TPGS2: variants seen among roughly 807,000 people sequenced by gnomAD.
TPGS2 encodes tubulin polyglutamylase complex subunit 2, also known as polyglutamylase subunit 2.
TPGS2 carries 26 observed loss-of-function variants against 31.1 expected under a neutral mutation model. The observed-to-expected ratio is 0.84, with a 90% CI of 0.61 to 1.16. The LOEUF (loss-of-function observed/expected upper bound fraction) is 1.16. TPGS2 is among the 50% of genes most tolerant of loss of function. TPGS2 has a pLI of 0.00. For missense variants in TPGS2, 351 were observed against 363.8 expected (o/e 0.96, Z 0.29); for synonymous variants, 130 against 136.6 (o/e 0.95, Z 0.34).
At chr18:36,826,081 G>A (rs371533315) in intron 1 of TPGS2, among the ~76,000 whole-genome samples, 4 of 151,700 alleles carry the variant, frequency 2.6e-5, no homozygotes, top group Non-Finnish European at 2.9e-5. Context: ...CTTGTTGCCC[G>A]GGCTGGAGTG....
At chr18:36,823,788 T>G in intron 1 of TPGS2, 1 of 981,258 alleles carries the variant, frequency 1.0e-6, no homozygotes, top group Non-Finnish European at 1.2e-6. Context: ...GCTTATGTGA[T>G]TAGATTGGGC....
intron 6 of TPGS2, among the ~76,000 whole-genome samples, chr18:36,783,574 A>T (rs933375700): frequency 6.6e-6 from 1 of 152,204 alleles, no homozygotes; most frequent in African/African-American, 2.4e-5. Context: ...AGGGCCAGTG[A>T]CCCAGATTCG....
intron 1 of TPGS2, among the ~76,000 whole-genome samples, chr18:36,826,754 GA>G (rs2150715797): frequency 6.6e-6 from 1 of 152,226 alleles, no homozygotes; most frequent in East Asian, 1.9e-4. Flanking sequence ...TCAAATCATT[GA>G]ATCTGGTGTG....
intron 6 of TPGS2, chr18:36,797,965 A>G (rs1007699819): frequency 6.9e-5 from 12 of 172,824 alleles, no homozygotes; most frequent in Non-Finnish European, 1.2e-4. Context: ...AAGATGCAGA[A>G]TCATGTTGAC....
rs150890708 is a variant in TPGS2, at chr18:36,796,389, A to C, written c.*416T>G. ...GCAATTGAAGAAATGAATTTTTCAT[A>C]CAATTTACTTTAAATTTAAATAGTC... On this transcript the variant is annotated 3_prime_UTR_variant, in exon 7 of 7. Coordinates refer to ENST00000334295, the MANE Select transcript of TPGS2 (RefSeq NM_015476.4). 5.4e-3 allele frequency: 5,345 copies of C among 988,092 alleles called. 22 individuals carry two copies. Among genetic ancestry groups the C allele is most frequent in the Non-Finnish European group, 6.2e-3 (5,132 of 830,998 alleles). The allele number at this position is 988,092 out of a possible 1,614,324, so 61.2% of individuals were successfully genotyped here.
intron 6 of TPGS2, chr18:36,786,959 T>G (rs557372361): frequency 9.4e-5 from 116 of 1,234,386 alleles, no homozygotes; most frequent in Admixed American, 6.3e-4. Context: ...CTGCTGACTC[T>G]TTGCTTGTGG....
rs1556788798 is a variant in TPGS2, at chr18:36,828,748, G to T, written c.20C>A (p.Ser7Tyr). The change falls in exon 1 of 7, where the codon TCC (serine) becomes TAC (tyrosine). Residue 7 changes from serine to tyrosine, a missense_variant. Transcript: ENST00000334295. ...CGGCTTGCTGCAGCCCAGCCCCGGG[G>T]ACGATGCCTCCTCCTCCATGGCTCG... MEEEAS[S>Y]PGLGCSKPHL... The T allele has an allele frequency of 6.2e-7, 1 of 1,613,966 alleles. No homozygotes were observed. Among genetic ancestry groups the T allele is most frequent in the East Asian group, 2.2e-5 (1 of 44,844 alleles).
chr18:36,794,170 T>C lies in TPGS2; in HGVS notation c.*2635A>G. ...AAGTAGCAAATAAAAAACACAGCCA[T>C]AACAAGTTGAGAAAGACACTATGGA... On this transcript the variant is annotated 3_prime_UTR_variant, in exon 7 of 7. Transcript: ENST00000334295. The C allele has an allele frequency of 3.0e-6, 2 of 667,670 alleles. No homozygotes were observed. Among genetic ancestry groups the C allele is most frequent in the South Asian group, 1.3e-4 (2 of 15,012 alleles). 41.4% of individuals were successfully genotyped at this position (667,670 alleles called of 1,614,324 possible). A position where few individuals can be genotyped will look rare whatever the true frequency, so the allele number is the denominator to read the frequency against.
intron 1 of TPGS2, among the ~76,000 whole-genome samples, chr18:36,823,457 C>CTTTTT (rs1193182256): frequency 9.3e-6 from 1 of 107,082 alleles, no homozygotes; most frequent in Admixed American, 8.9e-5. Flanking sequence ...TTGTTAACAG[C>CTTTTT]TTGTTTTTTT....
intron 6 of TPGS2, among the ~76,000 whole-genome samples, chr18:36,783,793 C>A (rs2044068926): frequency 6.6e-6 from 1 of 152,206 alleles, no homozygotes; most frequent in South Asian, 2.1e-4. Flanking sequence ...CTAACAGTAG[C>A]AGGTCCTAAT....
intron 1 of TPGS2, among the ~76,000 whole-genome samples, chr18:36,827,359 CTA>C (rs2046203434): frequency 6.6e-6 from 1 of 152,192 alleles, no homozygotes; most frequent in African/African-American, 2.4e-5. Context: ...GTTATTCGAA[CTA>C]TATTCAGGGA....
At chr18:36,817,988 C>T (rs1409329946) in intron 2 of TPGS2, among the ~76,000 whole-genome samples, 1 of 152,130 alleles carries the variant, frequency 6.6e-6, no homozygotes, top group Non-Finnish European at 1.5e-5. Flanking sequence ...TCAATGACTC[C>T]CCTTTGCTTC....
rs915124539 is a variant in TPGS2 at position 36,794,246 on chromosome 18, C to A, written c.*2559G>T. On this transcript the variant is annotated 3_prime_UTR_variant, in exon 7 of 7. Transcript: ENST00000334295. ...TACCTGTAAAGGTAATGTTTTCCTGCTGTTTGCACAAAAGCCTCACATCTT... is the reference window on the plus strand; with the variant it reads ...TACCTGTAAAGGTAATGTTTTCCTGATGTTTGCACAAAAGCCTCACATCTT... 1.0e-6 allele frequency: 1 copy of A among 978,774 alleles called. No homozygotes were observed. The highest frequency in any genetic ancestry group is 1.2e-6 in the Non-Finnish European group (1 of 824,004). 60.6% of individuals were successfully genotyped at this position (978,774 alleles called of 1,614,324 possible).
chr18:36,794,318 C>A lies in TPGS2; in HGVS notation c.*2487G>T. On this transcript the variant is annotated 3_prime_UTR_variant, in exon 7 of 7. Coordinates refer to ENST00000334295, the MANE Select transcript of TPGS2 (RefSeq NM_015476.4). ...CTGAGTGGAGTCAGTCCTGCTCTTC[C>A]CTGCTCACTCCTTCTGAGGCAGGTC... The A allele has an allele frequency of 1.0e-6, 1 of 985,414 alleles. No individual in the cohort carries two copies. Among genetic ancestry groups the A allele is most frequent in the Non-Finnish European group, 1.2e-6 (1 of 829,944 alleles). The allele number at this position is 985,414 out of a possible 1,614,324, so 61.0% of individuals were successfully genotyped here. A position where few individuals can be genotyped will look rare whatever the true frequency, so the allele number is the denominator to read the frequency against.
At chr18:36,783,290 A>G (rs1368813468) in intron 6 of TPGS2, among the ~76,000 whole-genome samples, 2 of 152,196 alleles carry the variant, frequency 1.3e-5, no homozygotes, top group Non-Finnish European at 2.9e-5. Flanking sequence ...ATTTTTCTAA[A>G]AGACCTTCAA....
chr18:36,800,972 G>A lies in TPGS2; in HGVS notation c.383-661C>T, dbSNP rs769639697. Among the ~76,000 whole-genome samples, 3 of 152,252 alleles carry A rather than the reference G, an allele frequency of 2.0e-5. No homozygotes were observed. In the South Asian group the frequency reaches 6.2e-4, roughly 32 times the overall value. Reference sequence around the variant, plus strand: ...CCCAAAATGCTGGGATTACAGGCACGAGCCACCGCGCCCGGTCAGAACCAT... The same window carrying A: ...CCCAAAATGCTGGGATTACAGGCACAAGCCACCGCGCCCGGTCAGAACCAT... On this transcript the variant is annotated intron_variant, in intron 4 of 6. Transcript: ENST00000334295.
chr18:36,816,044 A>G (rs1449841518), intron 2 of TPGS2, among the ~76,000 whole-genome samples: 2 of 152,190 alleles, frequency 1.3e-5, no homozygotes, highest in African/African-American at 4.8e-5. Context: ...TATTTTAACT[A>G]AAGAACTCAA....
intron 2 of TPGS2, among the ~76,000 whole-genome samples, chr18:36,816,695 G>A (rs1378922658): frequency 3.9e-5 from 6 of 152,110 alleles, no homozygotes; most frequent in South Asian, 4.2e-4. Context: ...TACAACCTCC[G>A]CCTCCCAGGT....
At chr18:36,825,001 C>G (rs1410031372) in intron 1 of TPGS2, among the ~76,000 whole-genome samples, 3 of 152,036 alleles carry the variant, frequency 2.0e-5, no homozygotes, top group Admixed American at 6.6e-5. Flanking sequence ...ACATTTAGGT[C>G]TAAGATACTT....
Sources: gnomAD v4.1 joint callset for allele counts (sites outside exome capture counted in the v4.1 genomes callset) on GRCh38, gnomAD v4.1.1 for gene constraint, MANE v1.5 for transcripts, NCBI Gene and HGNC (gene_info 2026-07-23, HGNC 2026-07-21) for gene names.